PCSK2: variants seen among roughly 807,000 people sequenced by gnomAD.
PCSK2 encodes the protein proprotein convertase subtilisin/kexin type 2, also known as neuroendocrine convertase 2.
Under a neutral mutation model 69.7 loss-of-function variants are expected in PCSK2, and 14 were observed. That is an observed-to-expected ratio of 0.20 (90% CI 0.13 to 0.31). The LOEUF (loss-of-function observed/expected upper bound fraction) is 0.31, where lower values mean the gene tolerates loss of function less well. Among genes scored for constraint, PCSK2 ranks in the 10% least tolerant of loss-of-function variants. The pLI is 1.00. For missense variants in PCSK2, 544 were observed against 842.5 expected (o/e 0.65, Z 4.39); for synonymous variants, 307 against 320.7 (o/e 0.96, Z 0.46).
intron 2 of PCSK2, among the ~76,000 whole-genome samples, chr20:17,327,702 C>G (rs917946063): frequency 3.3e-5 from 5 of 152,168 alleles, no homozygotes; most frequent in African/African-American, 4.8e-5. Context: ...TCTGCTTCCT[C>G]GAATTTTAAA....
intron 3 of PCSK2, among the ~76,000 whole-genome samples, 164 bp from the exon 4 acceptor site, chr20:17,360,368 G>A (rs1568617643): frequency 6.6e-6 from 1 of 151,850 alleles, no homozygotes; most frequent in African/African-American, 2.4e-5. Context: ...AAACACTATA[G>A]GTAGGTTGGG....
intron 4 of PCSK2, among the ~76,000 whole-genome samples, chr20:17,363,394 C>G (rs2030471779): frequency 6.6e-6 from 1 of 152,188 alleles, no homozygotes; most frequent in African/African-American, 2.4e-5. Flanking sequence ...TAGCTGCTGT[C>G]TAAAGGGGCA....
chr20:17,387,307 C>T (rs1270912633), intron 5 of PCSK2, among the ~76,000 whole-genome samples: 3 of 152,168 alleles, frequency 2.0e-5, no homozygotes, highest in South Asian at 4.1e-4. Context: ...AACATGGCAG[C>T]ATAAAACAAA....
At chr20:17,362,299 A>G (rs892772454) in intron 4 of PCSK2, among the ~76,000 whole-genome samples, 4 of 152,226 alleles carry the variant, frequency 2.6e-5, no homozygotes, top group Admixed American at 6.5e-5. Context: ...CTGCCCCCCA[A>G]TTACAATTCC....
intron 8 of PCSK2, among the ~76,000 whole-genome samples, chr20:17,451,302 C>T (rs1003602849): frequency 1.3e-5 from 2 of 152,174 alleles, no homozygotes; most frequent in African/African-American, 4.8e-5. Context: ...CTTAAAATAA[C>T]AATCATTTAA....
At chr20:17,385,356 G>A (rs2031207292) in intron 5 of PCSK2, among the ~76,000 whole-genome samples, 3 of 152,166 alleles carry the variant, frequency 2.0e-5, no homozygotes, top group African/African-American at 4.8e-5. Context: ...TATCTTGGGG[G>A]CATAGCACCC....
chr20:17,328,497 T>G (rs1052737583), intron 2 of PCSK2, among the ~76,000 whole-genome samples: 4 of 151,152 alleles, frequency 2.6e-5, no homozygotes, highest in African/African-American at 9.7e-5. Flanking sequence ...TTAAAATACA[T>G]AGACAAACAT....
chr20:17,353,244 C>T (rs1276005275), intron 2 of PCSK2, among the ~76,000 whole-genome samples: 4 of 130,418 alleles, frequency 3.1e-5, no homozygotes, highest in Non-Finnish European at 4.8e-5. Flanking sequence ...GGGCGGATCA[C>T]GAGGTCAGGA....
intron 8 of PCSK2, among the ~76,000 whole-genome samples, chr20:17,437,652 G>A (rs1371419214): frequency 6.6e-6 from 1 of 152,226 alleles, no homozygotes; most frequent in African/African-American, 2.4e-5. Context: ...GCTCGGCACT[G>A]AGAAGTGCCT....
rs948615482 is a variant in PCSK2 at position 17,260,494 on chromosome 20, G to A, written c.282+150G>A. The A allele has an allele frequency of 4.7e-5, 29 of 618,772 alleles. No homozygotes were observed. In the Middle Eastern group the frequency reaches 1.3e-3, roughly 28 times the overall value. The allele number at this position is 618,772 out of a possible 1,614,324, so 38.3% of individuals were successfully genotyped here. ...TGAATGCTTTGCAGAGTCATATCAG[G>A]GACTCTCTGCTCCTTTGTCTCTGCA... On this transcript the variant is annotated intron_variant, in intron 2 of 11. Coordinates refer to ENST00000262545, the MANE Select transcript of PCSK2 (RefSeq NM_002594.5).
At chr20:17,304,712 C>A (rs1989272172) in intron 2 of PCSK2, among the ~76,000 whole-genome samples, 1 of 152,174 alleles carries the variant, frequency 6.6e-6, no homozygotes, top group African/African-American at 2.4e-5. Context: ...CAGCTCAATT[C>A]TTAATTGTGT....
chr20:17,290,808 C>G (rs1006506644), intron 2 of PCSK2, among the ~76,000 whole-genome samples: 6 of 152,060 alleles, frequency 3.9e-5, no homozygotes, highest in African/African-American at 1.4e-4. Context: ...CTTGGAAGTC[C>G]GAGAGCATGG....
At chr20:17,249,334 G>A (rs1344772876) in intron 1 of PCSK2, among the ~76,000 whole-genome samples, 11 of 151,812 alleles carry the variant, frequency 7.2e-5, no homozygotes, top group South Asian at 2.1e-4. Context: ...GTGAAACCCC[G>A]TCTGTACTAA....
chr20:17,331,648 G>T lies in PCSK2; in HGVS notation c.283-26679G>T, dbSNP rs376510120. Among the ~76,000 whole-genome samples, 5 of 152,202 alleles carry T rather than the reference G, an allele frequency of 3.3e-5. No individual in the cohort carries two copies. In the East Asian group the frequency reaches 5.8e-4, roughly 18 times the overall value. The stretch of plus-strand genomic sequence containing the variant: ...AAAACAGATCTTGGGGCACTTAAAT[G>T]ATCTCTCTACTGTGAACCACTCAGA... On this transcript the variant is annotated intron_variant, in intron 2 of 11. Transcript: ENST00000262545.
intron 2 of PCSK2, among the ~76,000 whole-genome samples, chr20:17,355,990 T>C (rs2030184087): frequency 6.6e-6 from 1 of 152,198 alleles, no homozygotes; most frequent in South Asian, 2.1e-4. Flanking sequence ...TTTTCTCTCA[T>C]AAAATACTTG....
chr20:17,314,441 T>C (rs571491443), intron 2 of PCSK2, among the ~76,000 whole-genome samples: 2 of 152,334 alleles, frequency 1.3e-5, no homozygotes, highest in South Asian at 2.1e-4. Context: ...TTATCACCCA[T>C]GTAGAAACCT....
chr20:17,361,673 C>A (rs2030400752), intron 4 of PCSK2, among the ~76,000 whole-genome samples: 1 of 152,156 alleles, frequency 6.6e-6, no homozygotes, highest in African/African-American at 2.4e-5. Flanking sequence ...CCAAGAGGAG[C>A]CAGCCTGCTT....
intron 2 of PCSK2, among the ~76,000 whole-genome samples, chr20:17,315,469 G>T (rs1600483333): frequency 6.6e-6 from 1 of 152,278 alleles, no homozygotes; most frequent in East Asian, 1.9e-4. Context: ...TCCAGAGGGG[G>T]CCTCCCTCCT....
intron 2 of PCSK2, among the ~76,000 whole-genome samples, chr20:17,322,245 G>T (rs914201651): frequency 6.6e-6 from 1 of 152,172 alleles, no homozygotes. Context: ...CAGGGCACTT[G>T]TTGGGACTGG....
Sources: allele counts gnomAD v4.1 joint callset (sites outside exome capture counted in the v4.1 genomes callset), GRCh38; gene constraint gnomAD v4.1.1; transcripts MANE v1.5; gene names NCBI Gene and HGNC (gene_info 2026-07-23, HGNC 2026-07-21).